TOR1AIP1: variants seen among roughly 807,000 people sequenced by gnomAD.
TOR1AIP1 encodes the protein torsin 1A interacting protein 1, also known as torsin-1A-interacting protein 1.
A neutral mutation model predicts 63.3 loss-of-function variants in TOR1AIP1; 54 were observed. The ratio of observed to expected loss-of-function variants is 0.85; its 90% CI spans 0.69 to 1.07. The LOEUF (loss-of-function observed/expected upper bound fraction) is 1.07. Ranked by LOEUF, TOR1AIP1 falls within the 50% of genes least tolerant of loss-of-function variation. TOR1AIP1 has a pLI of 0.00. For synonymous variants in TOR1AIP1, 294 were observed against 273.5 expected (o/e 1.07, Z -0.74); for missense variants, 736 against 715.0 (o/e 1.03, Z -0.33).
intron 3 of TOR1AIP1, among the ~76,000 whole-genome samples, chr1:179,898,872 T>C (rs923734541): frequency 6.6e-6 from 1 of 151,706 alleles, no homozygotes; most frequent in South Asian, 2.1e-4. Context: ...AAGAGTAACA[T>C]GGTGTTATCA....
At position 179,918,140 on chromosome 1, in the gene TOR1AIP1, T is replaced by C. The variant is rs1238036067; in HGVS notation, c.1653T>C (p.His551=). The C allele has an allele frequency of 1.9e-6, 3 of 1,613,774 alleles. No individual in the cohort carries two copies. In the South Asian group the frequency reaches 3.3e-5, roughly 18 times the overall value. The part of the protein sequence containing the change: ...TNSNTPNSYN[H]MDPDKLNGLW... Reference sequence around the variant, plus strand: ...CTAACACACCCAACTCCTACAATCATATGGACCCAGACAAACTGAATGGCC... The same window carrying C: ...CTAACACACCCAACTCCTACAATCACATGGACCCAGACAAACTGAATGGCC... Residue 551 remains histidine, a synonymous_variant, in exon 10 of 10, where the codon CAT becomes CAC. Transcript: ENST00000606911.
At chr1:179,903,878 C>A in intron 5 of TOR1AIP1, 88 bp from the exon 6 acceptor site, 3 of 927,206 alleles carry the variant, frequency 3.2e-6, no homozygotes, top group Non-Finnish European at 4.8e-6. Context: ...TATTTTTGCT[C>A]TTTTTATTAA....
chr1:179,883,107 C>T (rs1281263512), intron 1 of TOR1AIP1, 130 bp downstream of exon 1: 1 of 854,528 alleles, frequency 1.2e-6, no homozygotes, highest in East Asian at 2.7e-5. Flanking sequence ...TTCCTCAGCC[C>T]CCTCTGGACT....
At position 179,919,970 on chromosome 1, in the gene TOR1AIP1, T is replaced by C. The variant is rs1649147015; in HGVS notation, c.*1731T>C. 4 of 152,236 alleles carry C rather than the reference T, an allele frequency of 2.6e-5. No homozygotes were observed. 9.4% of individuals were successfully genotyped at this position (152,236 alleles called of 1,614,324 possible). A position where few individuals can be genotyped will look rare whatever the true frequency, so the allele number is the denominator to read the frequency against. ...TGACCCAAGTAATTTAAAAGTAATA[T>C]GTTACCTATGTCTTTCAGGAAAAAT... On this transcript the variant is annotated 3_prime_UTR_variant, in exon 10 of 10. Coordinates refer to ENST00000606911, the MANE Select transcript of TOR1AIP1 (RefSeq NM_015602.4).
At position 179,882,884 on chromosome 1, in the gene TOR1AIP1, AC is replaced by A. The variant is rs1558037183; in HGVS notation, c.385del (p.Arg129AlafsTer18). 6.2e-7 allele frequency: 1 copy of A among 1,613,938 alleles called. No individual in the cohort carries two copies. Among genetic ancestry groups the A allele is most frequent in the Non-Finnish European group, 8.5e-7 (1 of 1,180,006 alleles). On this transcript the variant is annotated frameshift_variant, in exon 1 of 10. Transcript: ENST00000606911. LOFTEE classifies it high-confidence loss of function. ...ETEEMKTRRT[T>X]RLQQQHSEQP... ...CGAGGAAATGAAGACGCGAAGGACT[AC>A]CCGCCTTCAGCAGCAGCACTCAGAG...
chr1:179,918,224 G>T lies in TOR1AIP1; in HGVS notation c.1737G>T (p.Arg579Ser). The T allele has an allele frequency of 6.3e-7, 1 of 1,598,420 alleles. No homozygotes were observed. The highest frequency in any genetic ancestry group is 1.1e-5 in the South Asian group (1 of 89,532). ...TGCAACCTGAAAATGCCCTGAAAAG[G>T]GGCATCTGCTTATAAGAAGTGAGAG... The part of the protein sequence containing the change: ...LPVQPENALK[R>S]GICL Residue 579 changes from arginine (R) to serine (S), a missense_variant, in exon 10 of 10, where the codon AGG (arginine) becomes AGT (serine). Arg to Ser is a moderately radical substitution (Grantham distance 110). Transcript: ENST00000606911.
intron 6 of TOR1AIP1, among the ~76,000 whole-genome samples, chr1:179,904,225 T>TC (rs1648553763): frequency 2.6e-5 from 4 of 152,226 alleles, no homozygotes; most frequent in Non-Finnish European, 4.4e-5. Context: ...GAATTTGAAC[T>TC]TAAAAAACAA....
intron 6 of TOR1AIP1, among the ~76,000 whole-genome samples, chr1:179,906,865 G>A (rs1281607512): frequency 6.7e-6 from 1 of 150,116 alleles, no homozygotes; most frequent in Non-Finnish European, 1.5e-5. Context: ...AGCCTCCCGA[G>A]TAGCTGGGAC....
At chr1:179,898,319 A>C (rs147285159) in intron 3 of TOR1AIP1, among the ~76,000 whole-genome samples, 2 of 152,288 alleles carry the variant, frequency 1.3e-5, no homozygotes, top group East Asian at 3.9e-4. Flanking sequence ...GATGACATTC[A>C]TGAAGGGTTT....
At chr1:179,887,511 A>G (rs555593176) in intron 2 of TOR1AIP1, among the ~76,000 whole-genome samples, 12 of 152,234 alleles carry the variant, frequency 7.9e-5, no homozygotes, top group Non-Finnish European at 1.5e-4. Context: ...ATTAATTCAG[A>G]ACAGGAATAT....
rs752124781 is a variant in TOR1AIP1 at position 179,900,173 on chromosome 1, T to G, written c.652+6T>G. 1 of 1,588,518 alleles carries G rather than the reference T, an allele frequency of 6.3e-7. No individual in the cohort carries two copies. Among genetic ancestry groups the G allele is most frequent in the Admixed American group, 1.7e-5 (1 of 59,762 alleles). On this transcript the variant is annotated splice_donor_region_variant and intron_variant, in intron 4 of 9. Coordinates refer to ENST00000606911, the MANE Select transcript of TOR1AIP1 (RefSeq NM_015602.4). ...GGTCAATTTCTCTGAAGAAGGTATT[T>G]TACTTGTAAATATCATATAATATAT...
At chr1:179,897,369 A>G (rs1250668787) in intron 3 of TOR1AIP1, among the ~76,000 whole-genome samples, 5 of 152,244 alleles carry the variant, frequency 3.3e-5, no homozygotes, top group Admixed American at 1.3e-4. Flanking sequence ...ATTGAATTTT[A>G]GGCAACTTGG....
In TOR1AIP1 at chr1:179,914,015, TCAGA is replaced by T. The variant is rs1328055732; in HGVS notation, c.926_929del (p.Ser309CysfsTer14). 6.2e-7 allele frequency: 1 copy of T among 1,613,986 alleles called. No homozygotes were observed. The highest frequency in any genetic ancestry group is 1.1e-5 in the South Asian group (1 of 91,046). The stretch of plus-strand genomic sequence containing the variant: ...ACCATTAGATGACAGCATTCTGAAA[TCAGA>T]GCTTGGAAACCAGTCACCATCAACC... On this transcript the variant is annotated frameshift_variant, in exon 9 of 10. Transcript: ENST00000606911. LOFTEE classifies it low-confidence loss of function (END_TRUNC).
chr1:179,884,416 ACTCT>A (rs1393875255), intron 1 of TOR1AIP1, among the ~76,000 whole-genome samples: 1 of 152,048 alleles, frequency 6.6e-6, no homozygotes, highest in African/African-American at 2.4e-5. Context: ...ATCATTTGTG[ACTCT>A]CTACCCCATC....
chr1:179,892,273 A>C (rs1350352700), intron 3 of TOR1AIP1, among the ~76,000 whole-genome samples: 1 of 152,000 alleles, frequency 6.6e-6, no homozygotes, highest in Non-Finnish European at 1.5e-5. Flanking sequence ...GGAGTTCAAG[A>C]CCAGCCTGGC....
chr1:179,905,760 C>G (rs1558044316), intron 6 of TOR1AIP1, among the ~76,000 whole-genome samples: 1 of 152,118 alleles, frequency 6.6e-6, no homozygotes, highest in Non-Finnish European at 1.5e-5. Context: ...TGAGACCAGC[C>G]TGGCCAACAT....
intron 8 of TOR1AIP1, among the ~76,000 whole-genome samples, chr1:179,913,352 A>C (rs980168042): frequency 6.6e-6 from 1 of 152,180 alleles, no homozygotes; most frequent in African/African-American, 2.4e-5. Flanking sequence ...TTTAACCACA[A>C]GCCTAAAACA....
At chr1:179,916,747 A>G (rs935643553) in intron 9 of TOR1AIP1, among the ~76,000 whole-genome samples, 1 of 113,266 alleles carries the variant, frequency 8.8e-6, no homozygotes, top group Non-Finnish European at 1.6e-5. Flanking sequence ...TCTGTCACCC[A>G]GGCTGGAGTG....
At chr1:179,890,811 G>A (rs145682584) in intron 3 of TOR1AIP1, among the ~76,000 whole-genome samples, 132 of 152,150 alleles carry the variant, frequency 8.7e-4, no homozygotes, top group African/African-American at 2.8e-3. Context: ...ATAGAGATGG[G>A]GTTTCACCAT....
Sources: allele counts gnomAD v4.1 joint callset (sites outside exome capture counted in the v4.1 genomes callset), GRCh38; gene constraint gnomAD v4.1.1; transcripts MANE v1.5; gene names NCBI Gene and HGNC (gene_info 2026-07-23, HGNC 2026-07-21).